ABCA13: variants seen among roughly 807,000 people sequenced by gnomAD.
ABCA13 encodes the protein ATP-binding cassette sub-family A member 13.
Under a neutral mutation model 478.7 loss-of-function variants are expected in ABCA13, and 476 were observed. That is an observed-to-expected ratio of 0.99 (90% confidence interval 0.92 to 1.07). The LOEUF (loss-of-function observed/expected upper bound fraction) is 1.07. Among genes scored for constraint, ABCA13 ranks in the 50% least tolerant of loss-of-function variants. The probability of loss-of-function intolerance (pLI) is 0.00; values close to 1 mark genes in which losing one functional copy is unlikely to be tolerated. For synonymous variants in ABCA13, 2,252 were observed against 2,158.9 expected, an observed-to-expected ratio of 1.04 and a Z score of -1.20; for missense variants, 6,060 against 5,910.6, an observed-to-expected ratio of 1.03 and a Z score of -0.83.
chr7:48,564,032 C>G (rs905876741), intron 55 of ABCA13, among the ~76,000 whole-genome samples: 17 of 152,028 alleles, frequency 1.1e-4, no homozygotes, highest in African/African-American at 4.1e-4. Flanking sequence ...GTCATCTCCT[C>G]TCTTTCTTTT....
chr7:48,395,369 G>A (rs188195173), intron 38 of ABCA13, among the ~76,000 whole-genome samples: 1 of 152,308 alleles, frequency 6.6e-6, no homozygotes, highest in African/African-American at 2.4e-5. Flanking sequence ...ACCCAATGGG[G>A]AATAAGAGAG....
intron 41 of ABCA13, among the ~76,000 whole-genome samples, chr7:48,418,828 T>C (rs1383162890): frequency 6.6e-6 from 1 of 152,254 alleles, no homozygotes; most frequent in Non-Finnish European, 1.5e-5. Context: ...CCTTGCATTA[T>C]AGAATAACTT....
chr7:48,559,138 G>A (rs1160418269), intron 55 of ABCA13, among the ~76,000 whole-genome samples: 1 of 152,162 alleles, frequency 6.6e-6, no homozygotes, highest in African/African-American at 2.4e-5. Context: ...CCCAGGCCCT[G>A]GCTGGACCCA....
At chr7:48,290,174 T>G (rs1204085030) in intron 20 of ABCA13, among the ~76,000 whole-genome samples, 1 of 152,158 alleles carries the variant, frequency 6.6e-6, no homozygotes, top group Non-Finnish European at 1.5e-5. Flanking sequence ...AAAGTAGCAA[T>G]AAGGAAATGA....
At chr7:48,406,621 C>G (rs946623278) in intron 39 of ABCA13, among the ~76,000 whole-genome samples, 4 of 152,138 alleles carry the variant, frequency 2.6e-5, no homozygotes, top group Admixed American at 6.5e-5. Context: ...GCCTATAATT[C>G]CAGCACTTTG....
rs1824200530 is a variant in ABCA13 at position 48,445,667 on chromosome 7, A to T, written c.12566-9370A>T. On this transcript the variant is annotated intron_variant, in intron 42 of 61. Coordinates refer to ENST00000435803, the MANE Select transcript of ABCA13 (RefSeq NM_152701.5). Reference sequence around the variant, plus strand: ...GTTACTTCCCTCCTGATAAATGCTCATGCTCCCCTCTTATGCTTCACAGAA... The same window carrying T: ...GTTACTTCCCTCCTGATAAATGCTCTTGCTCCCCTCTTATGCTTCACAGAA... Among the ~76,000 whole-genome samples, 2 of 152,122 alleles carry T rather than the reference A, an allele frequency of 1.3e-5. 1 individual carries two copies. The highest frequency in any genetic ancestry group is 4.1e-4 in the South Asian group (2 of 4,836).
chr7:48,634,454 C>T (rs1412564604), intron 59 of ABCA13, among the ~76,000 whole-genome samples: 1 of 152,110 alleles, frequency 6.6e-6, no homozygotes, highest in African/African-American at 2.4e-5. Context: ...GTAATGCTTT[C>T]TCTTTCATTT....
intron 44 of ABCA13, among the ~76,000 whole-genome samples, chr7:48,469,750 C>G (rs1474508030): frequency 2.0e-5 from 3 of 152,096 alleles, no homozygotes; most frequent in Non-Finnish European, 4.4e-5. Context: ...GAAACCCCGT[C>G]TCTACTAAAG....
rs142812597 is a variant in ABCA13 at position 48,507,019 on chromosome 7, T to A, written c.13346+629T>A. On this transcript the variant is annotated intron_variant, in intron 49 of 61. Coordinates refer to ENST00000435803, the MANE Select transcript of ABCA13 (RefSeq NM_152701.5). ...ACCAAATTAAGTCGCAGAATGCAAA[T>A]CTGCTTAATGGGCATTCTCTGCTCA... is the stretch of plus-strand genomic sequence containing the variant. 7.2e-4 allele frequency among the ~76,000 whole-genome samples: 110 copies of A among 152,334 alleles called. 1 individual carries two copies. The highest frequency in any genetic ancestry group is 2.6e-3 in the African/African-American group (108 of 41,578).
chr7:48,343,452 C>T (rs1402407396), intron 29 of ABCA13, among the ~76,000 whole-genome samples: 4 of 152,244 alleles, frequency 2.6e-5, no homozygotes, highest in Non-Finnish European at 2.9e-5. Flanking sequence ...CTCAAAGTCC[C>T]GTGGACCACT....
rs769390051 is a variant in ABCA13, at chr7:48,479,537, CT to C, written c.12976-1495del. On this transcript the variant is annotated intron_variant, in intron 45 of 61. Transcript: ENST00000435803. ...ACAGGTGTGAGCCCCTCGACTGGCT[CT>C]TTTAGCAATTTTCAAGGTACAATAC... Among the ~76,000 whole-genome samples the C allele has an allele frequency of 4.6e-5, 7 of 152,166 alleles. No homozygotes were observed. The East Asian group carries it at 5.8e-4, about 13-fold the overall frequency.
chr7:48,411,961 C>A (rs1370413739), intron 40 of ABCA13, among the ~76,000 whole-genome samples: 2 of 152,130 alleles, frequency 1.3e-5, no homozygotes, highest in Non-Finnish European at 2.9e-5. Flanking sequence ...GCTGAGAATT[C>A]TTGTCTCCCT....
rs770187952 is a variant in ABCA13, at chr7:48,275,390, T to A, written c.5724T>A (p.His1908Gln). 6.2e-7 allele frequency: 1 copy of A among 1,613,882 alleles called. No individual in the cohort carries two copies. Among genetic ancestry groups the A allele is most frequent in the Non-Finnish European group, 8.5e-7 (1 of 1,179,882 alleles). ...TTCTGGAGCTCTCTGAAGTCTTCCA[T>A]GTTAACATTTCTCTTGTGAAAACTG... ...SILLELSEVF[H>Q]VNISLVKTVQ... is the part of the protein sequence containing the mutation. Residue 1908 changes from histidine (H) to glutamine (Q), a missense_variant, in exon 17 of 62, where the codon CAT (histidine) becomes CAA (glutamine). Around this residue, in one of 3 missense-constraint regions of ABCA13, gnomAD observed 4,423 missense variants for 4,309.1 expected, o/e 1.03. Coordinates refer to ENST00000435803, the MANE Select transcript of ABCA13 (RefSeq NM_152701.5).
chr7:48,573,059 T>C (rs1052362834), intron 55 of ABCA13, among the ~76,000 whole-genome samples: 1 of 152,054 alleles, frequency 6.6e-6, no homozygotes, highest in Admixed American at 6.6e-5. Context: ...TCTTAAGTGA[T>C]GTTAGTATTC....
At chr7:48,465,694 G>C (rs1309716745) in intron 43 of ABCA13, among the ~76,000 whole-genome samples, 2 of 151,654 alleles carry the variant, frequency 1.3e-5, no homozygotes, top group African/African-American at 4.8e-5. Context: ...TCTTACTTTG[G>C]GAACATTTCA....
At position 48,481,041 on chromosome 7, in the gene ABCA13, T is replaced by C. The variant is rs1254981219; in HGVS notation, c.12981T>C (p.Cys4327=). 1.9e-6 allele frequency: 3 copies of C among 1,586,288 alleles called. No individual in the cohort carries two copies. Among genetic ancestry groups the C allele is most frequent in the Non-Finnish European group, 2.6e-6 (3 of 1,164,824 alleles). Residue 4327 remains cysteine, a synonymous_variant, in exon 46 of 62, where the codon TGT becomes TGC. Coordinates refer to ENST00000435803, the MANE Select transcript of ABCA13 (RefSeq NM_152701.5). ...EFQDSCGCLK[C]PNRSASAPYL... ...CTTTTTGAAAACAATTTCAGAAGTGTCCAAATAGAAGTGCTAGTGCTCCCT... is the reference window on the plus strand; with the variant it reads ...CTTTTTGAAAACAATTTCAGAAGTGCCCAAATAGAAGTGCTAGTGCTCCCT...
intron 1 of ABCA13, among the ~76,000 whole-genome samples, chr7:48,189,686 G>A (rs1275285588): frequency 2.0e-5 from 3 of 152,132 alleles, no homozygotes; most frequent in East Asian, 1.9e-4. Context: ...TGATTTTAGA[G>A]TTACTACTAT....
intron 45 of ABCA13, among the ~76,000 whole-genome samples, chr7:48,472,570 G>A (rs1827615097): frequency 6.6e-6 from 1 of 152,166 alleles, no homozygotes; most frequent in Non-Finnish European, 1.5e-5. Flanking sequence ...CACACCAAGA[G>A]TGAGCTTAGA....
In ABCA13 at chr7:48,273,237, A is replaced by G; in HGVS notation, c.3571A>G (p.Lys1191Glu). Residue 1191 changes from lysine to glutamate, a missense_variant, in exon 17 of 62, where the codon AAA becomes GAA. This residue lies in a region of ABCA13 where 4,423 missense variants were observed against 4,309.1 expected (regional missense o/e 1.03). Transcript: ENST00000435803. ...QLLDELEDDV[K>E]VSKSCQGILP... ...TTTGGATGAATTGGAAGATGATGTG[A>G]AAGTCTCTAAAAGCTGCCAGGGTAT... 5 of 1,613,690 alleles carry G rather than the reference A, an allele frequency of 3.1e-6. 1 individual carries two copies. In the South Asian group the frequency reaches 3.3e-5, roughly 11 times the overall value.
Sources: gnomAD v4.1 joint callset for allele counts (sites outside exome capture counted in the v4.1 genomes callset) on GRCh38, gnomAD v4.1.1 for gene constraint, gnomAD v4.1.1 regional missense constraint, MANE v1.5 for transcripts, NCBI Gene and HGNC (gene_info 2026-07-23, HGNC 2026-07-21) for gene names.